The following GULP1 variants were observed in gnomAD, a reference collection of about 807,000 sequenced individuals.
GULP1 encodes PTB domain-containing engulfment adapter protein 1.
GULP1 carries 19 observed loss-of-function variants against 40.9 expected under a neutral mutation model. The ratio of observed to expected loss-of-function variants is 0.46; its 90% CI spans 0.32 to 0.68. The LOEUF is 0.68. Among genes scored for constraint, GULP1 ranks in the 30% least tolerant of loss-of-function variants. The pLI is 0.03. For synonymous variants in GULP1, 119 were observed against 117.6 expected, an observed-to-expected ratio of 1.01 and a Z score of -0.08; for missense variants, 312 against 362.2, an observed-to-expected ratio of 0.86 and a Z score of 1.12.
chr2:188,297,934 A>G (rs766580930), intron 1 of GULP1, among the ~76,000 whole-genome samples: 60 of 152,180 alleles, frequency 3.9e-4, no homozygotes, highest in Non-Finnish European at 8.1e-4. Flanking sequence ...TTTCATAGCC[A>G]TTTATAACCA....
chr2:188,513,701 A>G (rs2064849053), intron 4 of GULP1, among the ~76,000 whole-genome samples: 1 of 152,078 alleles, frequency 6.6e-6, no homozygotes. Flanking sequence ...TGCATTTTCC[A>G]GGCACAAGCA....
At chr2:188,525,530 T>A (rs1002862303) in intron 5 of GULP1, among the ~76,000 whole-genome samples, 8 of 152,212 alleles carry the variant, frequency 5.3e-5, no homozygotes, top group African/African-American at 1.4e-4. Context: ...TTATATATAT[T>A]TTATTAATAC....
intron 2 of GULP1, among the ~76,000 whole-genome samples, chr2:188,402,398 C>A (rs540009790): frequency 7.9e-5 from 12 of 152,044 alleles, no homozygotes; most frequent in Non-Finnish European, 1.5e-4. Context: ...CTCGAACATT[C>A]TTTTACTTGC....
At chr2:188,507,096 A>G (rs1325918434) in intron 4 of GULP1, among the ~76,000 whole-genome samples, 6 of 151,924 alleles carry the variant, frequency 3.9e-5, no homozygotes, top group Non-Finnish European at 4.4e-5. Flanking sequence ...CAGGATTTCT[A>G]TAGGCGTAGA....
At chr2:188,378,861 T>C (rs749465754) in intron 1 of GULP1, among the ~76,000 whole-genome samples, 1 of 152,170 alleles carries the variant, frequency 6.6e-6, no homozygotes, top group Non-Finnish European at 1.5e-5. Context: ...AGCTGAATTA[T>C]TGCATATGTA....
chr2:188,320,812 C>T (rs2039862336), intron 1 of GULP1, among the ~76,000 whole-genome samples: 1 of 151,566 alleles, frequency 6.6e-6, no homozygotes, highest in African/African-American at 2.4e-5. Context: ...TTGCAAAACT[C>T]AGTAATGTTT....
Position 188,323,671 on chromosome 2 carries a change from TG to T in GULP1, c.-172+31506del, listed in dbSNP as rs1559111090. ...AGATATGTGTGTGTGTGTGTGTGTG[TG>T]TGTGTGTGTGTGTGTGTATGTGTGT... On this transcript the variant is annotated intron_variant, in intron 1 of 11. Transcript: ENST00000409830. Among the ~76,000 whole-genome samples, 300 of 143,080 alleles carry T rather than the reference TG, an allele frequency of 2.1e-3. 10 individuals are homozygous for T. The highest frequency in any genetic ancestry group is 0.02 in the Admixed American group (300 of 14,760). The allele number at this position is 143,080 out of a possible 152,430, so 93.9% of individuals were successfully genotyped here. A position where few individuals can be genotyped will look rare whatever the true frequency, so the allele number is the denominator to read the frequency against.
chr2:188,402,389 T>A (rs1438470752), intron 2 of GULP1, among the ~76,000 whole-genome samples: 22 of 152,094 alleles, frequency 1.4e-4, no homozygotes, highest in Non-Finnish European at 1.5e-5. Flanking sequence ...GCTACAAAAC[T>A]CGAACATTCT....
At chr2:188,453,222 CT>C (rs1418336765) in intron 2 of GULP1, among the ~76,000 whole-genome samples, 8 of 152,050 alleles carry the variant, frequency 5.3e-5, no homozygotes, top group African/African-American at 1.9e-4. Flanking sequence ...ATTTACAATT[CT>C]TCTAATTTTA....
At chr2:188,523,502 ACTC>A (rs1181305029) in intron 5 of GULP1, among the ~76,000 whole-genome samples, 1 of 151,810 alleles carries the variant, frequency 6.6e-6, no homozygotes, top group Non-Finnish European at 1.5e-5. Flanking sequence ...AATTTACAAA[ACTC>A]CTTCAACAGA....
chr2:188,587,343 A>G (rs1377330606), intron 10 of GULP1, among the ~76,000 whole-genome samples: 1 of 152,104 alleles, frequency 6.6e-6, no homozygotes, highest in Non-Finnish European at 1.5e-5. Flanking sequence ...ATTTCATACT[A>G]CATGAGACAA....
At chr2:188,427,543 C>T (rs965792995) in intron 2 of GULP1, among the ~76,000 whole-genome samples, 1 of 152,204 alleles carries the variant, frequency 6.6e-6, no homozygotes, top group Non-Finnish European at 1.5e-5. Context: ...TCAGCTGCTT[C>T]AGCTCTAGCC....
In GULP1 at chr2:188,336,432, G is replaced by A. The variant is rs1049765807; in HGVS notation, c.-172+44266G>A. The stretch of plus-strand genomic sequence containing the variant: ...GAAAGCCTGCTATGAGCCAGATACT[G>A]TTCTAGGTGCTGAAGATACAGCATC... On this transcript the variant is annotated intron_variant, in intron 1 of 11. Transcript: ENST00000409830. Among the ~76,000 whole-genome samples the A allele has an allele frequency of 2.6e-5, 4 of 152,286 alleles. No homozygotes were observed. In the East Asian group the frequency reaches 7.7e-4, roughly 29 times the overall value.
intron 4 of GULP1, among the ~76,000 whole-genome samples, chr2:188,498,073 G>A (rs1221682439): frequency 6.6e-6 from 1 of 151,832 alleles, no homozygotes; most frequent in African/African-American, 2.4e-5. Flanking sequence ...GAGCATCCTT[G>A]GGAAGGATGA....
intron 1 of GULP1, among the ~76,000 whole-genome samples, chr2:188,361,362 A>G (rs2046057636): frequency 6.6e-6 from 1 of 151,986 alleles, no homozygotes. Context: ...GAGGCACAGC[A>G]AGAAGATTTA....
intron 2 of GULP1, among the ~76,000 whole-genome samples, chr2:188,448,815 A>AT (rs1422209448): frequency 1.3e-5 from 2 of 152,092 alleles, no homozygotes; most frequent in Non-Finnish European, 2.9e-5. Flanking sequence ...ATGATAGTAA[A>AT]TGAGTTCTCA....
chr2:188,546,210 A>G (rs1344296757), intron 7 of GULP1, among the ~76,000 whole-genome samples: 1 of 152,022 alleles, frequency 6.6e-6, no homozygotes, highest in Non-Finnish European at 1.5e-5. Flanking sequence ...ACTCAACATC[A>G]TCAACCAGTG....
At chr2:188,420,132 C>A (rs1040452494) in intron 2 of GULP1, among the ~76,000 whole-genome samples, 7 of 152,006 alleles carry the variant, frequency 4.6e-5, no homozygotes, top group Non-Finnish European at 8.8e-5. Context: ...TGTGATGCCT[C>A]CAGCTTTGTT....
At chr2:188,336,458 A>T (rs1336987481) in intron 1 of GULP1, among the ~76,000 whole-genome samples, 1 of 152,240 alleles carries the variant, frequency 6.6e-6, no homozygotes, top group Non-Finnish European at 1.5e-5. Context: ...ATACAGCATC[A>T]AAAAGGACAG....
Sources: gnomAD v4.1 joint callset for allele counts (sites outside exome capture counted in the v4.1 genomes callset) on GRCh38, gnomAD v4.1.1 for gene constraint, MANE v1.5 for transcripts, NCBI Gene and HGNC (gene_info 2026-07-23, HGNC 2026-07-21) for gene names.